ARHGAP32: variants seen among roughly 807,000 people sequenced by gnomAD.
ARHGAP32 encodes Rho GTPase activating protein 32, also known as rho GTPase-activating protein 32.
ARHGAP32 carries 51 observed loss-of-function variants against 186.5 expected under a neutral mutation model. That is an observed-to-expected ratio of 0.27 (90% CI 0.22 to 0.35). The LOEUF (loss-of-function observed/expected upper bound fraction) is 0.35, where lower values mean the gene tolerates loss of function less well. Ranked by LOEUF, ARHGAP32 falls within the 10% of genes least tolerant of loss-of-function variation. The probability of loss-of-function intolerance (pLI) is 1.00; values close to 1 mark genes in which losing one functional copy is unlikely to be tolerated. For missense variants in ARHGAP32, 2,186 were observed against 2,623.5 expected, an observed-to-expected ratio of 0.83 and a Z score of 3.64; for synonymous variants, 950 against 964.3, an observed-to-expected ratio of 0.99 and a Z score of 0.27.
At chr11:129,229,541 CACT>C (rs887338055) in intron 1 of ARHGAP32, among the ~76,000 whole-genome samples, 6 of 152,046 alleles carry the variant, frequency 3.9e-5, no homozygotes, top group African/African-American at 1.2e-4. Context: ...TCTATACCAC[CACT>C]ATCACCACTA....
chr11:129,240,744 ATT>A (rs1945004459), intron 1 of ARHGAP32, among the ~76,000 whole-genome samples: 1 of 152,028 alleles, frequency 6.6e-6, no homozygotes, highest in Admixed American at 6.6e-5. Context: ...TGAGATTAAT[ATT>A]TTCTTTTATA....
At chr11:129,073,467 T>C (rs1282160829) in intron 6 of ARHGAP32, among the ~76,000 whole-genome samples, 1 of 152,152 alleles carries the variant, frequency 6.6e-6, no homozygotes, top group Non-Finnish European at 1.5e-5. Context: ...GATTCATTAG[T>C]TGACTGGACA....
At chr11:129,210,605 C>T (rs1431974720) in intron 1 of ARHGAP32, among the ~76,000 whole-genome samples, 3 of 152,170 alleles carry the variant, frequency 2.0e-5, no homozygotes, top group African/African-American at 7.2e-5. Flanking sequence ...AAAAATACCA[C>T]TCTCAAATAC....
chr11:128,980,865 G>T (rs960818995), intron 17 of ARHGAP32, 117 bp from the exon 18 acceptor site: 3 of 754,016 alleles, frequency 4.0e-6, no homozygotes, highest in Non-Finnish European at 6.2e-6. Context: ...CTTCAAGTAT[G>T]TTAAATAGCA....
chr11:129,002,393 G>A (rs1452616725), intron 11 of ARHGAP32, among the ~76,000 whole-genome samples: 4 of 151,994 alleles, frequency 2.6e-5, no homozygotes, highest in Non-Finnish European at 4.4e-5. Context: ...TTTTCAGATT[G>A]TTCACTGTTG....
intron 2 of ARHGAP32, among the ~76,000 whole-genome samples, chr11:129,155,963 G>C (rs558419697): frequency 2.0e-5 from 3 of 152,358 alleles, no homozygotes; most frequent in South Asian, 4.1e-4. Context: ...CACCTGGGAA[G>C]GGCAAGGGGT....
At chr11:128,990,009 A>C (rs1946001313) in intron 12 of ARHGAP32, among the ~76,000 whole-genome samples, 1 of 152,142 alleles carries the variant, frequency 6.6e-6, no homozygotes, top group Admixed American at 6.6e-5. Flanking sequence ...AAGGCCTTTC[A>C]TAATTTACAT....
intron 1 of ARHGAP32, among the ~76,000 whole-genome samples, chr11:129,247,566 TTCCAG>T (rs1268779566): frequency 1.3e-5 from 2 of 152,252 alleles, no homozygotes; most frequent in Non-Finnish European, 2.9e-5. Context: ...TTATTTCATC[TTCCAG>T]TTTATATTAA....
intron 1 of ARHGAP32, chr11:129,202,938 G>A (rs1944472263): frequency 6.6e-6 from 1 of 152,248 alleles, no homozygotes; most frequent in East Asian, 1.9e-4. Flanking sequence ...TACCAGCGTA[G>A]CAGATTCTAC....
chr11:129,243,845 C>T (rs752401749), intron 1 of ARHGAP32, among the ~76,000 whole-genome samples: 21 of 152,138 alleles, frequency 1.4e-4, no homozygotes, highest in Non-Finnish European at 1.8e-4. Flanking sequence ...CAAAGTAACC[C>T]GCACTTTCCT....
intron 15 of ARHGAP32, among the ~76,000 whole-genome samples, chr11:128,982,488 T>TGC (rs910607508): frequency 2.0e-5 from 3 of 151,190 alleles, no homozygotes; most frequent in African/African-American, 7.3e-5. Context: ...TGTGTGTGTG[T>TGC]GTGTGTGTGT....
chr11:129,139,579 G>A (rs1219938775), intron 2 of ARHGAP32, among the ~76,000 whole-genome samples: 2 of 152,058 alleles, frequency 1.3e-5, no homozygotes, highest in Admixed American at 6.5e-5. Context: ...CATAGGGGGC[G>A]GGTCTTTCTT....
intron 12 of ARHGAP32, among the ~76,000 whole-genome samples, chr11:128,994,421 C>A (rs956453437): frequency 1.3e-5 from 2 of 152,098 alleles, no homozygotes; most frequent in African/African-American, 4.8e-5. Context: ...TCCCAAAGTG[C>A]TGGGATTACA....
At chr11:129,109,082 C>G (rs1942130598) in intron 5 of ARHGAP32, among the ~76,000 whole-genome samples, 1 of 152,084 alleles carries the variant, frequency 6.6e-6, no homozygotes, top group Non-Finnish European at 1.5e-5. Context: ...CCTTCTCAGA[C>G]TGTTATTCTA....
At chr11:129,160,335 T>C (rs1341940392) in intron 2 of ARHGAP32, among the ~76,000 whole-genome samples, 10 of 152,174 alleles carry the variant, frequency 6.6e-5, no homozygotes, top group South Asian at 4.1e-4. Flanking sequence ...GATGACGTGA[T>C]TGTATATTTA....
intron 11 of ARHGAP32, among the ~76,000 whole-genome samples, chr11:129,017,224 G>A (rs1018612961): frequency 6.6e-6 from 1 of 152,148 alleles, no homozygotes; most frequent in African/African-American, 2.4e-5. Flanking sequence ...GGGAGGCCAA[G>A]GCGGGCAGAT....
At chr11:129,220,118 A>T (rs1944693461) in intron 1 of ARHGAP32, among the ~76,000 whole-genome samples, 1 of 152,200 alleles carries the variant, frequency 6.6e-6, no homozygotes, top group Non-Finnish European at 1.5e-5. Flanking sequence ...CTTAACAATG[A>T]ATATGTTTTC....
At chr11:129,187,289 C>G (rs1944181917) in intron 1 of ARHGAP32, among the ~76,000 whole-genome samples, 1 of 151,836 alleles carries the variant, frequency 6.6e-6, no homozygotes, top group African/African-American at 2.4e-5. Flanking sequence ...CACATGTTCT[C>G]ACTTATTTGT....
chr11:129,115,447 A>G (rs1942341059), intron 5 of ARHGAP32, among the ~76,000 whole-genome samples: 1 of 152,148 alleles, frequency 6.6e-6, no homozygotes, highest in African/African-American at 2.4e-5. Context: ...ATGGGAATAG[A>G]GCACTGTTTT....
Sources: gnomAD v4.1 joint callset for allele counts (sites outside exome capture counted in the v4.1 genomes callset) on GRCh38, gnomAD v4.1.1 for gene constraint, MANE v1.5 for transcripts, NCBI Gene and HGNC (gene_info 2026-07-23, HGNC 2026-07-21) for gene names.